AOPEP: variants seen among roughly 807,000 people sequenced by gnomAD.
AOPEP encodes aminopeptidase O (putative).
Under a neutral mutation model 98.1 loss-of-function variants are expected in AOPEP, and 77 were observed. That is an observed-to-expected ratio of 0.78 (90% confidence interval 0.65 to 0.95). AOPEP has a LOEUF of 0.95. AOPEP is among the 40% of genes least tolerant of loss of function. The pLI is 0.00. For synonymous variants in AOPEP, 346 were observed against 365.3 expected (o/e 0.95, Z 0.60); for missense variants, 1,024 against 1,024.7 (o/e 1.00, Z 0.01).
intron 7 of AOPEP, among the ~76,000 whole-genome samples, chr9:94,947,581 A>AT (rs2057778328): frequency 6.6e-6 from 1 of 152,196 alleles, no homozygotes; most frequent in Non-Finnish European, 1.5e-5. Flanking sequence ...ACACCTTGTC[A>AT]TGGCAGTTCT....
intron 5 of AOPEP, among the ~76,000 whole-genome samples, chr9:94,840,200 T>C (rs561763148): frequency 2.0e-5 from 3 of 152,350 alleles, no homozygotes; most frequent in Admixed American, 2.0e-4. Context: ...AGAAATTTTA[T>C]CATGAATGGG....
chr9:94,881,126 T>C (rs1161302754), intron 5 of AOPEP, among the ~76,000 whole-genome samples: 1 of 152,178 alleles, frequency 6.6e-6, no homozygotes, highest in African/African-American at 2.4e-5. Context: ...TGCTGAAAAA[T>C]GCTGAGCTTG....
At chr9:94,998,592 A>T (rs904430653) in intron 11 of AOPEP, among the ~76,000 whole-genome samples, 1 of 152,210 alleles carries the variant, frequency 6.6e-6, no homozygotes, top group Non-Finnish European at 1.5e-5. Flanking sequence ...ATGTCATTTG[A>T]TCAGAACTTT....
At chr9:94,761,412 T>C (rs1838259746) in intron 2 of AOPEP, among the ~76,000 whole-genome samples, 1 of 152,232 alleles carries the variant, frequency 6.6e-6, no homozygotes, top group Non-Finnish European at 1.5e-5. Context: ...CTCCGTATTT[T>C]ACCTATTTGT....
chr9:95,148,886 C>A, the AOPEP span, among the ~76,000 whole-genome samples: 1 of 152,190 alleles, frequency 6.6e-6, no homozygotes, highest in Non-Finnish European at 1.5e-5. Flanking sequence ...GAATTATCCA[C>A]AATGATCTGC....
the AOPEP span, chr9:95,114,752 T>C: frequency 6.3e-7 from 1 of 1,578,650 alleles, no homozygotes; most frequent in Non-Finnish European, 8.7e-7. Context: ...ACTGAGGAAA[T>C]GTCAAGCCCA....
the AOPEP span, among the ~76,000 whole-genome samples, chr9:95,122,527 CCT>C: frequency 2.0e-5 from 3 of 152,130 alleles, no homozygotes; most frequent in Admixed American, 6.5e-5. Context: ...GTGGTGAATT[CCT>C]GTTTGTTTTT....
chr9:95,058,580 ACTGT>A (rs1394471707), intron 13 of AOPEP, among the ~76,000 whole-genome samples: 3 of 152,118 alleles, frequency 2.0e-5, no homozygotes, highest in East Asian at 1.9e-4. Context: ...TTGTCCTCGG[ACTGT>A]CTGTCTTGAG....
At chr9:94,877,871 G>T (rs539899861) in intron 5 of AOPEP, among the ~76,000 whole-genome samples, 5 of 152,200 alleles carry the variant, frequency 3.3e-5, no homozygotes, top group Admixed American at 2.0e-4. Flanking sequence ...TAACAACCAG[G>T]TTATTCATTG....
chr9:95,054,605 A>T (rs766856774), intron 13 of AOPEP, among the ~76,000 whole-genome samples: 4 of 152,218 alleles, frequency 2.6e-5, no homozygotes, highest in Admixed American at 2.6e-4. Flanking sequence ...GAATGATGGT[A>T]TGTGTCTGTT....
chr9:94,863,087 A>C (rs1468388870), intron 5 of AOPEP, among the ~76,000 whole-genome samples: 2 of 152,220 alleles, frequency 1.3e-5, no homozygotes, highest in South Asian at 2.1e-4. Flanking sequence ...TAGGTAAGAC[A>C]GAAGTTTCCT....
chr9:95,064,045 C>A (rs2067601171), intron 14 of AOPEP, among the ~76,000 whole-genome samples: 1 of 152,124 alleles, frequency 6.6e-6, no homozygotes, highest in African/African-American at 2.4e-5. Context: ...AAGAATGTAA[C>A]CTTGGGAGGC....
chr9:94,810,750 G>A (rs1292063715), intron 5 of AOPEP, among the ~76,000 whole-genome samples: 1 of 152,178 alleles, frequency 6.6e-6, no homozygotes, highest in Non-Finnish European at 1.5e-5. Context: ...GACTCTGTGG[G>A]CACCTAGGCA....
At chr9:95,082,906 T>G in intron 16 of AOPEP, 187 bp downstream of exon 16, 1 of 603,882 alleles carries the variant, frequency 1.7e-6, no homozygotes. Flanking sequence ...CCCGGGTCCC[T>G]GGAGCACCTT....
intron 7 of AOPEP, chr9:94,933,415 A>G (rs1318420140): frequency 2.0e-6 from 2 of 985,384 alleles, no homozygotes; most frequent in South Asian, 9.4e-5. Context: ...TTCTGGATTC[A>G]TTGTTAAATT....
Position 95,033,037 on chromosome 9 carries a change from T to A in AOPEP, c.2115+27421T>A, listed in dbSNP as rs759879939. Among the ~76,000 whole-genome samples the A allele has an allele frequency of 6.0e-4, 92 of 152,156 alleles. 1 individual carries two copies. Among genetic ancestry groups the A allele is most frequent in the Non-Finnish European group, 1.8e-4 (12 of 68,030 alleles). On this transcript the variant is annotated intron_variant, in intron 13 of 16. Coordinates refer to ENST00000375315, the MANE Select transcript of AOPEP (RefSeq NM_001193329.3). The stretch of plus-strand genomic sequence containing the variant: ...GAGATTGCAGTTGGAAAAAGTGCAG[T>A]TGGAAGCACACCTGACATGGTTGGG...
chr9:94,970,812 T>TCGTA (rs1253529344), intron 10 of AOPEP, among the ~76,000 whole-genome samples: 1 of 152,086 alleles, frequency 6.6e-6, no homozygotes, highest in Non-Finnish European at 1.5e-5. Flanking sequence ...TTCCTTTTCT[T>TCGTA]CGTACCTACC....
intron 5 of AOPEP, among the ~76,000 whole-genome samples, chr9:94,820,587 T>A (rs1033595003): frequency 6.6e-6 from 1 of 152,244 alleles, no homozygotes; most frequent in Non-Finnish European, 1.5e-5. Context: ...TTTTCCAAAA[T>A]TTTACTGTTG....
At chr9:94,868,841 G>A (rs1039134059) in intron 5 of AOPEP, among the ~76,000 whole-genome samples, 1 of 152,090 alleles carries the variant, frequency 6.6e-6, no homozygotes, top group African/African-American at 2.4e-5. Context: ...ATGTGTATTC[G>A]GAATGTATTT....
Sources: gnomAD v4.1 joint callset for allele counts (sites outside exome capture counted in the v4.1 genomes callset) on GRCh38, gnomAD v4.1.1 for gene constraint, MANE v1.5 for transcripts, NCBI Gene and HGNC (gene_info 2026-07-23, HGNC 2026-07-21) for gene names.